The following MALRD1 variants were observed in gnomAD, a reference collection of about 807,000 sequenced individuals.
MALRD1 encodes MAM and LDL receptor class A domain containing 1, also known as MAM and LDL-receptor class A domain-containing protein 1.
A neutral mutation model predicts 242.1 loss-of-function variants in MALRD1; 247 were observed. The observed-to-expected ratio is 1.02, with a 90% confidence interval of 0.92 to 1.13. The LOEUF is 1.13. MALRD1 is among the 50% of genes most tolerant of loss of function. The probability of loss-of-function intolerance (pLI) is 0.00; values close to 1 mark genes in which losing one functional copy is unlikely to be tolerated. For missense variants in MALRD1, 2,989 were observed against 2,533.1 expected, an observed-to-expected ratio of 1.18 and a Z score of -3.86; for synonymous variants, 995 against 866.6, an observed-to-expected ratio of 1.15 and a Z score of -2.60.
At chr10:19,246,070 C>T (rs1027501093) in intron 18 of MALRD1, among the ~76,000 whole-genome samples, 5 of 152,046 alleles carry the variant, frequency 3.3e-5, no homozygotes, top group Non-Finnish European at 7.4e-5. Flanking sequence ...TTTATCTGTG[C>T]TTTTAGTTCT....
chr10:19,102,717 A>G (rs551880502), intron 4 of MALRD1, among the ~76,000 whole-genome samples: 7 of 152,302 alleles, frequency 4.6e-5, no homozygotes, highest in African/African-American at 1.7e-4. Context: ...TCAACATGCC[A>G]ATTTTCTATC....
intron 36 of MALRD1, among the ~76,000 whole-genome samples, chr10:19,687,218 A>G (rs541243099): frequency 6.6e-6 from 1 of 152,188 alleles, no homozygotes; most frequent in African/African-American, 2.4e-5. Context: ...TATGGTCTTT[A>G]TGGATCTTTT....
At chr10:19,164,670 T>A (rs554754703) in intron 12 of MALRD1, among the ~76,000 whole-genome samples, 1 of 152,312 alleles carries the variant, frequency 6.6e-6, no homozygotes, top group African/African-American at 2.4e-5. Flanking sequence ...TTGAGGGAAT[T>A]AATTTTTGCC....
intron 1 of MALRD1, 51 bp downstream of exon 1, chr10:19,049,188 C>T (rs941348331): frequency 2.9e-5 from 35 of 1,222,772 alleles, no homozygotes; most frequent in Middle Eastern, 2.1e-4. Context: ...CAGCCTGAAA[C>T]GAGGGCCTCT....
At chr10:19,515,156 C>T (rs1289672671) in intron 31 of MALRD1, among the ~76,000 whole-genome samples, 3 of 151,938 alleles carry the variant, frequency 2.0e-5, no homozygotes, top group Admixed American at 1.3e-4. Context: ...TTACCAAAAG[C>T]ATAGCTTACC....
At chr10:19,297,525 T>G (rs1460708606) in intron 21 of MALRD1, among the ~76,000 whole-genome samples, 1 of 151,844 alleles carries the variant, frequency 6.6e-6, no homozygotes, top group African/African-American at 2.4e-5. Flanking sequence ...AGACTTTTCT[T>G]TATATATATA....
chr10:19,076,281 CATCT>C (rs1362638294), intron 2 of MALRD1, among the ~76,000 whole-genome samples: 10 of 151,030 alleles, frequency 6.6e-5, no homozygotes, highest in South Asian at 2.1e-4. Flanking sequence ...ATCTATCTAT[CATCT>C]ATCTATCTAC....
At chr10:19,259,534 A>C (rs1251415838) in intron 19 of MALRD1, among the ~76,000 whole-genome samples, 2 of 152,148 alleles carry the variant, frequency 1.3e-5, no homozygotes, top group African/African-American at 4.8e-5. Flanking sequence ...AAACTATCAA[A>C]TCTTGTAAGA....
At chr10:19,473,379 C>A (rs1836588451) in intron 29 of MALRD1, among the ~76,000 whole-genome samples, 1 of 151,798 alleles carries the variant, frequency 6.6e-6, no homozygotes, top group Non-Finnish European at 1.5e-5. Flanking sequence ...GTTCAGTAGC[C>A]TTAAGTACAT....
At chr10:19,239,281 A>G (rs7091044) in intron 18 of MALRD1, among the ~76,000 whole-genome samples, 6,761 of 152,134 alleles carry the variant, frequency 0.044, 193 homozygotes, top group Middle Eastern at 0.072. Context: ...GCTGTTCTCA[A>G]ACTCCTGACC....
At chr10:19,211,361 A>G (rs1588703141) in intron 18 of MALRD1, among the ~76,000 whole-genome samples, 2 of 152,030 alleles carry the variant, frequency 1.3e-5, no homozygotes, top group East Asian at 1.9e-4. Flanking sequence ...AAAAGATGAA[A>G]TCAGAGATCC....
At chr10:19,613,597 C>A (rs3852485) in intron 35 of MALRD1, among the ~76,000 whole-genome samples, 119,236 of 151,954 alleles carry the variant, frequency 0.78, 48,853 homozygotes, top group Non-Finnish European at 0.89. Context: ...TTATTACCAA[C>A]AAAAACCTCT....
At chr10:19,171,422 TTATATACATATATA>T (rs772788769) in intron 13 of MALRD1, among the ~76,000 whole-genome samples, 29 of 36,272 alleles carry the variant, frequency 8.0e-4, no homozygotes, top group African/African-American at 1.5e-3. Flanking sequence ...ATTTTATATT[TTATATACATATATA>T]TATATATATA....
intron 28 of MALRD1, among the ~76,000 whole-genome samples, chr10:19,431,082 T>G (rs1834109790): frequency 6.6e-6 from 1 of 152,204 alleles, no homozygotes; most frequent in Non-Finnish European, 1.5e-5. Flanking sequence ...GCCATGGTAG[T>G]TTGCTGTGCC....
intron 5 of MALRD1, among the ~76,000 whole-genome samples, chr10:19,113,218 C>G (rs552885931): frequency 6.6e-6 from 1 of 152,216 alleles, no homozygotes; most frequent in Middle Eastern, 3.4e-3. Flanking sequence ...ATAAGTCTTA[C>G]TGCCTCCAGG....
At chr10:19,305,890 AT>A (rs1842147943) in intron 21 of MALRD1, among the ~76,000 whole-genome samples, 1 of 130,878 alleles carries the variant, frequency 7.6e-6, no homozygotes, top group African/African-American at 2.9e-5. Flanking sequence ...TATATAATAT[AT>A]ATTATATATA....
chr10:19,355,858 T>TATATATA (rs57813656), intron 26 of MALRD1, among the ~76,000 whole-genome samples: 5,137 of 94,850 alleles, frequency 0.054, 663 homozygotes, highest in African/African-American at 0.16. Flanking sequence ...TATATATATA[T>TATATATA]TATATATGAT....
intron 11 of MALRD1, among the ~76,000 whole-genome samples, chr10:19,154,007 G>A (rs1588621783): frequency 6.6e-6 from 1 of 152,068 alleles, no homozygotes; most frequent in African/African-American, 2.4e-5. Context: ...GCATTTTTAG[G>A]TGGAAGAATT....
At position 19,487,469 on chromosome 10, in the gene MALRD1, A is replaced by G. The variant is rs1468565592; in HGVS notation, c.5030-4048A>G. Among the ~76,000 whole-genome samples the G allele has an allele frequency of 7.3e-5, 11 of 150,024 alleles. No homozygotes were observed. The South Asian group carries it at 2.1e-3, about 29-fold the overall frequency. On this transcript the variant is annotated intron_variant, in intron 29 of 39. Transcript: ENST00000454679. Reference sequence around the variant, plus strand: ...TTTCTCTTCATGGCTTTGCTATTCTATATTTTGAAAGAAAATAACCCTTAT... The same window carrying G: ...TTTCTCTTCATGGCTTTGCTATTCTGTATTTTGAAAGAAAATAACCCTTAT...
Sources: gnomAD v4.1 joint callset for allele counts (sites outside exome capture counted in the v4.1 genomes callset) on GRCh38, gnomAD v4.1.1 for gene constraint, MANE v1.5 for transcripts, NCBI Gene and HGNC (gene_info 2026-07-23, HGNC 2026-07-21) for gene names.